IL1RAPL1: variants seen among roughly 807,000 people sequenced by gnomAD.
IL1RAPL1 encodes the protein interleukin-1 receptor accessory protein-like 1.
In IL1RAPL1, 3 loss-of-function variants were observed where a neutral mutation model predicts 48.4. The observed-to-expected ratio is 0.06, with a 90% confidence interval of 0.03 to 0.16. The LOEUF (loss-of-function observed/expected upper bound fraction) is 0.16. Among genes scored for constraint, IL1RAPL1 ranks in the 10% least tolerant of loss-of-function variants. IL1RAPL1 has a pLI of 1.00. For missense variants in IL1RAPL1, 349 were observed against 530.6 expected (o/e 0.66, Z 3.36); for synonymous variants, 185 against 187.7 (o/e 0.99, Z 0.12).
At chrX:29,306,568 A>T (rs191985687) in intron 3 of IL1RAPL1, among the ~76,000 whole-genome samples, 169 of 98,245 alleles carry the variant, frequency 1.7e-3, no homozygotes, top group African/African-American at 6.1e-3. Flanking sequence ...AAAACCAGAA[A>T]TAGTTTATTT....
intron 2 of IL1RAPL1, among the ~76,000 whole-genome samples, chrX:29,258,290 A>C (rs760375199): frequency 8.9e-6 from 1 of 111,969 alleles, no homozygotes; most frequent in East Asian, 2.8e-4. Context: ...AATTTAAAAA[A>C]TATTGAATAA....
At chrX:29,125,691 G>A (rs1928883985) in intron 2 of IL1RAPL1, among the ~76,000 whole-genome samples, 1 of 110,749 alleles carries the variant, frequency 9.0e-6, no homozygotes, top group Non-Finnish European at 1.9e-5. Context: ...CTTACTTTAG[G>A]GTATAGAACA....
At chrX:29,600,053 T>G (rs1485236131) in intron 5 of IL1RAPL1, among the ~76,000 whole-genome samples, 5 of 112,199 alleles carry the variant, frequency 4.5e-5, no homozygotes, top group Non-Finnish European at 9.4e-5. Flanking sequence ...TTTGCCTCCA[T>G]TGCTGGTCAT....
Position 29,646,064 on chromosome X carries a change from A to G in IL1RAPL1, c.704-22366A>G, listed in dbSNP as rs774186947. On this transcript the variant is annotated intron_variant, in intron 5 of 10. Coordinates refer to ENST00000378993, the MANE Select transcript of IL1RAPL1 (RefSeq NM_014271.4). Reference sequence around the variant, plus strand: ...AAAATAATTAGGAAAACATGACATCATAAAATAGACAAAATAAGGTGCCAT... The same window carrying G: ...AAAATAATTAGGAAAACATGACATCGTAAAATAGACAAAATAAGGTGCCAT... Among the ~76,000 whole-genome samples the G allele has an allele frequency of 6.2e-5, 7 of 112,438 alleles. No individual in the cohort carries two copies. The East Asian group carries it at 1.9e-3, about 31-fold the overall frequency.
intron 6 of IL1RAPL1, among the ~76,000 whole-genome samples, chrX:29,887,005 C>T (rs1380230264): frequency 9.0e-6 from 1 of 111,595 alleles, no homozygotes; most frequent in African/African-American, 3.3e-5. Context: ...CTTGAAATCC[C>T]CTGTATGTTA....
At chrX:29,774,044 A>G (rs1372149126) in intron 6 of IL1RAPL1, among the ~76,000 whole-genome samples, 1 of 110,863 alleles carries the variant, frequency 9.0e-6, no homozygotes, top group African/African-American at 3.3e-5. Flanking sequence ...GTGTTTAGAT[A>G]TGAGAAACTA....
At chrX:29,919,066 AT>A (rs756008154) in intron 7 of IL1RAPL1, among the ~76,000 whole-genome samples, 2 of 112,238 alleles carry the variant, frequency 1.8e-5, no homozygotes, top group Non-Finnish European at 3.8e-5. Context: ...CAATAGAAAA[AT>A]AACACATTTT....
chrX:29,553,332 T>C (rs189618040), intron 5 of IL1RAPL1, among the ~76,000 whole-genome samples: 1 of 111,694 alleles, frequency 9.0e-6, no homozygotes, highest in East Asian at 2.8e-4. Context: ...TGTTTTTAGC[T>C]TCCCAGTTTT....
At chrX:29,766,868 T>C (rs959096725) in intron 6 of IL1RAPL1, among the ~76,000 whole-genome samples, 13 of 108,072 alleles carry the variant, frequency 1.2e-4, no homozygotes, top group Non-Finnish European at 2.3e-4. Context: ...CATGATACTT[T>C]ACTTCTAAAT....
chrX:28,806,845 G>A (rs1936738622), intron 2 of IL1RAPL1, among the ~76,000 whole-genome samples: 1 of 110,548 alleles, frequency 9.0e-6, no homozygotes, highest in Admixed American at 9.7e-5. Flanking sequence ...TAGGGTTTCC[G>A]GCTTCCTGTG....
At chrX:29,545,538 T>C (rs1007647195) in intron 5 of IL1RAPL1, among the ~76,000 whole-genome samples, 1 of 111,708 alleles carries the variant, frequency 9.0e-6, no homozygotes, top group African/African-American at 3.3e-5. Flanking sequence ...TAAATACTTG[T>C]GACTTCTTGT....
intron 2 of IL1RAPL1, among the ~76,000 whole-genome samples, chrX:29,114,035 G>T (rs1293758164): frequency 4.5e-5 from 5 of 110,931 alleles, no homozygotes; most frequent in Non-Finnish European, 9.4e-5. Flanking sequence ...ATCTTCTTTA[G>T]AATTTTCCAT....
intron 5 of IL1RAPL1, among the ~76,000 whole-genome samples, chrX:29,400,306 G>A (rs188166571): frequency 8.9e-6 from 1 of 111,938 alleles, no homozygotes; most frequent in East Asian, 2.8e-4. Context: ...TATTTCATAG[G>A]GTTTTTGCAA....
intron 2 of IL1RAPL1, among the ~76,000 whole-genome samples, chrX:29,097,175 A>G (rs1472157742): frequency 8.9e-6 from 1 of 111,754 alleles, no homozygotes; most frequent in Non-Finnish European, 1.9e-5. Context: ...GAACACCCAT[A>G]CTTTGACCAT....
intron 6 of IL1RAPL1, among the ~76,000 whole-genome samples, chrX:29,724,890 A>C (rs1391061002): frequency 8.9e-6 from 1 of 111,930 alleles, no homozygotes; most frequent in Non-Finnish European, 1.9e-5. Context: ...TAAATCTCCA[A>C]TTGTTTTAAA....
intron 2 of IL1RAPL1, among the ~76,000 whole-genome samples, chrX:29,204,156 A>C (rs1406174671): frequency 8.9e-6 from 1 of 111,916 alleles, no homozygotes. Context: ...TATCTTGGCT[A>C]TTGGGAATAG....
At chrX:29,354,984 G>A (rs1933282440) in intron 3 of IL1RAPL1, among the ~76,000 whole-genome samples, 1 of 111,742 alleles carries the variant, frequency 8.9e-6, no homozygotes, top group Admixed American at 9.5e-5. Flanking sequence ...TAAAAACAAA[G>A]AAAGAAGGGT....
intron 2 of IL1RAPL1, among the ~76,000 whole-genome samples, chrX:28,852,783 T>C (rs771164034): frequency 7.2e-5 from 8 of 111,243 alleles, no homozygotes; most frequent in African/African-American, 2.6e-4. Flanking sequence ...CTTTACAGGG[T>C]AATGGTTAAG....
chrX:28,614,955 C>T (rs189528782), intron 1 of IL1RAPL1, among the ~76,000 whole-genome samples: 22 of 110,730 alleles, frequency 2.0e-4, no homozygotes, highest in Non-Finnish European at 2.8e-4. Context: ...GTTGGGAGAT[C>T]GTGGCTCACT....
Sources: gnomAD v4.1 joint callset for allele counts (sites outside exome capture counted in the v4.1 genomes callset) on GRCh38, gnomAD v4.1.1 for gene constraint, MANE v1.5 for transcripts, NCBI Gene and HGNC (gene_info 2026-07-23, HGNC 2026-07-21) for gene names.